The following PYGL variants were observed in gnomAD, a reference collection of about 807,000 sequenced individuals.
PYGL encodes the protein glycogen phosphorylase, liver form.
A neutral mutation model predicts 100.1 loss-of-function variants in PYGL; 90 were observed. That is an observed-to-expected ratio of 0.90 (90% CI 0.76 to 1.07). The LOEUF is 1.07. Ranked by LOEUF, PYGL falls within the 50% of genes least tolerant of loss-of-function variation. PYGL has a pLI of 0.00. For synonymous variants in PYGL, 373 were observed against 393.0 expected (o/e 0.95, Z 0.60); for missense variants, 1,016 against 1,057.6 (o/e 0.96, Z 0.55).
chr14:50,942,183 C>CTCT (rs137916981), intron 1 of PYGL, among the ~76,000 whole-genome samples: 3 of 142,028 alleles, frequency 2.1e-5, no homozygotes, highest in East Asian at 2.5e-4. Context: ...TTGATGAACA[C>CTCT]GTGTGGAATG....
chr14:50,944,156 G>A lies in PYGL; in HGVS notation c.243+5C>T, dbSNP rs1288808784. ...ACCCCGGCCCGCCGTCCCGCCCCCG[G>A]TTACCTTGGGGCACTTGTCGTAGTA... On this transcript the variant is annotated splice_donor_5th_base_variant and intron_variant, in intron 1 of 19. Transcript: ENST00000216392. 1.2e-6 allele frequency: 2 copies of A among 1,601,412 alleles called. No individual in the cohort carries two copies. Among genetic ancestry groups the A allele is most frequent in the Non-Finnish European group, 1.7e-6 (2 of 1,177,898 alleles).
In PYGL at chr14:50,909,883, C is replaced by A. The variant is rs1566499900; in HGVS notation, c.2177+12G>T. 1 of 1,613,092 alleles carries A rather than the reference C, an allele frequency of 6.2e-7. No individual in the cohort carries two copies. Among genetic ancestry groups the A allele is most frequent in the Non-Finnish European group, 8.5e-7 (1 of 1,179,132 alleles). On this transcript the variant is annotated intron_variant, in intron 17 of 19. Transcript: ENST00000216392. ...GGCAGTCCTGCCTAGCAAAGAGAAGCTATTCTCTTACCCTTTCTTGTCCAA... is the reference window on the plus strand; with the variant it reads ...GGCAGTCCTGCCTAGCAAAGAGAAGATATTCTCTTACCCTTTCTTGTCCAA...
intron 1 of PYGL, 22 bp from the exon 2 acceptor site, chr14:50,937,859 T>C (rs2050668873): frequency 6.3e-7 from 1 of 1,581,694 alleles, no homozygotes; most frequent in South Asian, 1.1e-5. Flanking sequence ...AAAAGAGAGA[T>C]AATGTTTCCC....
Position 50,908,959 on chromosome 14 carries a change from TG to T in PYGL, c.2178-5del. Reference sequence around the variant, plus strand: ...ATAGTATTCTTTTGCCTCGTACCTGTGGGGTAGGGGTGGGTGGGTGATAAAA... The same window carrying T: ...ATAGTATTCTTTTGCCTCGTACCTGTGGGTAGGGGTGGGTGGGTGATAAAA... On this transcript the variant is annotated splice_region_variant and splice_polypyrimidine_tract_variant and intron_variant, in intron 17 of 19. Transcript: ENST00000216392. 8.5e-7 allele frequency: 1 copy of T among 1,177,044 alleles called. No homozygotes were observed. Among genetic ancestry groups the T allele is most frequent in the Non-Finnish European group, 1.2e-6 (1 of 820,218 alleles). The allele number at this position is 1,177,044 out of a possible 1,614,324, so 72.9% of individuals were successfully genotyped here.
intron 19 of PYGL, 92 bp from the exon 20 acceptor site, chr14:50,905,648 T>G (rs1224107093): frequency 1.6e-6 from 2 of 1,217,912 alleles, no homozygotes; most frequent in Non-Finnish European, 2.4e-6. Flanking sequence ...ACACATTTCA[T>G]GAGGGAAAAT....
chr14:50,926,968 G>T (rs2050554302), intron 4 of PYGL, among the ~76,000 whole-genome samples: 1 of 152,116 alleles, frequency 6.6e-6, no homozygotes, highest in Non-Finnish European at 1.5e-5. Context: ...AGCATGCAGG[G>T]CTGTTGTAAA....
At position 50,914,744 on chromosome 14, in the gene PYGL, C is replaced by T. The variant is rs1042609342; in HGVS notation, c.1475G>A (p.Trp492Ter). The change falls in exon 12 of 20, where the codon TGG becomes TAG. Residue 492 changes from tryptophan to a stop codon, truncating the protein, a stop_gained. Transcript: ENST00000216392. LOFTEE classifies it high-confidence loss of function. ...AAGTCCTGGGTTGCAGAGTAGGAGC[C>T]AGCGCCTTGGAGTGATCCCATTGGT... ...NKTNGITPRR[W>*]LLLCNPGLAE... is the part of the protein sequence containing the mutation. The T allele has an allele frequency of 1.5e-5, 25 of 1,613,902 alleles. No individual in the cohort carries two copies. Among genetic ancestry groups the T allele is most frequent in the African/African-American group, 2.7e-5 (2 of 74,904 alleles).
chr14:50,914,954 A>C, intron 11 of PYGL, 139 bp from the exon 12 acceptor site: 2 of 724,348 alleles, frequency 2.8e-6, no homozygotes, highest in East Asian at 5.3e-5. Context: ...ACAGGCTGAC[A>C]GTAGCTATGG....
chr14:50,937,452 G>T (rs1455459745), intron 2 of PYGL, among the ~76,000 whole-genome samples: 2 of 152,192 alleles, frequency 1.3e-5, no homozygotes, highest in African/African-American at 4.8e-5. Flanking sequence ...GGCTTGTTCA[G>T]ACACTAATTT....
Position 50,944,476 on chromosome 14 carries a change from G to T in PYGL, c.-73C>A. The T allele has an allele frequency of 6.6e-7, 1 of 1,511,162 alleles. No individual in the cohort carries two copies. Among genetic ancestry groups the T allele is most frequent in the Admixed American group, 2.0e-5 (1 of 49,086 alleles). 93.6% of individuals were successfully genotyped at this position (1,511,162 alleles called of 1,614,324 possible). A position where few individuals can be genotyped will look rare whatever the true frequency, so the allele number is the denominator to read the frequency against. ...GCGGCCGGAGGCGCTGGGCTGCCGG[G>T]CAGGGGTGGAGTCCGCCCCGCCGCG... On this transcript the variant is annotated 5_prime_UTR_variant, in exon 1 of 20. Transcript: ENST00000216392.
At chr14:50,924,485 G>C (rs1444435899) in intron 4 of PYGL, among the ~76,000 whole-genome samples, 6 of 152,184 alleles carry the variant, frequency 3.9e-5, no homozygotes, top group Non-Finnish European at 7.3e-5. Flanking sequence ...AAAGACAGAC[G>C]CCTTACAGGG....
intron 7 of PYGL, among the ~76,000 whole-genome samples, chr14:50,918,877 G>C (rs1447834613): frequency 1.3e-5 from 2 of 152,144 alleles, no homozygotes; most frequent in Non-Finnish European, 2.9e-5. Context: ...ATGAATATGA[G>C]CATAGAGGTC....
At chr14:50,933,575 T>G (rs2050622427) in intron 3 of PYGL, among the ~76,000 whole-genome samples, 1 of 152,198 alleles carries the variant, frequency 6.6e-6, no homozygotes, top group Non-Finnish European at 1.5e-5. Context: ...AATAATACAT[T>G]AATGCATCTT....
chr14:50,915,297 A>G, intron 11 of PYGL, 39 bp downstream of exon 11: 1 of 1,605,746 alleles, frequency 6.2e-7, no homozygotes, highest in Non-Finnish European at 8.5e-7. Flanking sequence ...CCATTAATGG[A>G]TCAGTGTCAG....
chr14:50,921,966 C>G (rs2050506975), intron 5 of PYGL, among the ~76,000 whole-genome samples: 1 of 152,292 alleles, frequency 6.6e-6, no homozygotes, highest in Non-Finnish European at 1.5e-5. Flanking sequence ...GCCAAATCAG[C>G]TGATAATTAG....
intron 9 of PYGL, 125 bp from the exon 10 acceptor site, chr14:50,916,096 T>A: frequency 7.7e-7 from 1 of 1,298,022 alleles, no homozygotes; most frequent in Non-Finnish European, 1.1e-6. Flanking sequence ...GTCAGAGCAC[T>A]CAATTCCACT....
intron 16 of PYGL, among the ~76,000 whole-genome samples, chr14:50,910,541 G>A (rs892301340): frequency 2.0e-5 from 3 of 151,930 alleles, no homozygotes; most frequent in East Asian, 1.9e-4. Flanking sequence ...CTGCAGCCTT[G>A]ACCTCCTAGG....
chr14:50,905,379 A>G lies in PYGL; in HGVS notation c.*13T>C, dbSNP rs759276870. 5.2e-6 allele frequency: 8 copies of G among 1,542,394 alleles called. No homozygotes were observed. In the African/African-American group the frequency reaches 1.2e-4, roughly 24 times the overall value. On this transcript the variant is annotated 3_prime_UTR_variant, in exon 20 of 20. Transcript: ENST00000216392. ...CAGTAAGAAGCTATGTTTTCTAGAG[A>G]CAATTCTAGAGTTCAATTTCCATTG...
In PYGL at chr14:50,935,025, G is replaced by T. The variant is rs2050641521; in HGVS notation, c.424+82C>A. On this transcript the variant is annotated intron_variant, in intron 3 of 19. Coordinates refer to ENST00000216392, the MANE Select transcript of PYGL (RefSeq NM_002863.5). ...GCGCTTCTTCTAGGAAGCCTGCCTGGTTCTTGCAAGCATGGTCATGCATGG... is the reference window on the plus strand; with the variant it reads ...GCGCTTCTTCTAGGAAGCCTGCCTGTTTCTTGCAAGCATGGTCATGCATGG... 4.5e-6 allele frequency: 6 copies of T among 1,329,212 alleles called. 1 individual carries two copies. The South Asian group carries it at 7.0e-5, about 16-fold the overall frequency. 82.3% of individuals were successfully genotyped at this position (1,329,212 alleles called of 1,614,324 possible). A position where few individuals can be genotyped will look rare whatever the true frequency, so the allele number is the denominator to read the frequency against.
Sources: allele counts gnomAD v4.1 joint callset (sites outside exome capture counted in the v4.1 genomes callset), GRCh38; gene constraint gnomAD v4.1.1; transcripts MANE v1.5; gene names NCBI Gene and HGNC (gene_info 2026-07-23, HGNC 2026-07-21).